The following LYG1 variants were observed in gnomAD, a reference collection of about 807,000 sequenced individuals.
LYG1 encodes the protein lysozyme g-like protein 1.
Under a neutral mutation model 21.7 loss-of-function variants are expected in LYG1, and 17 were observed. The observed-to-expected ratio is 0.78, with a 90% confidence interval of 0.54 to 1.18. The LOEUF (loss-of-function observed/expected upper bound fraction) is 1.18. Ranked by LOEUF, LYG1 falls within the 50% of genes most tolerant of loss-of-function variation. LYG1 has a pLI of 0.00. For synonymous variants in LYG1, 81 were observed against 87.4 expected (o/e 0.93, Z 0.41); for missense variants, 211 against 238.1 (o/e 0.89, Z 0.75).
chr2:99,287,544 C>CT lies in LYG1; in HGVS notation c.334-2725dup, dbSNP rs904030249. Among the ~76,000 whole-genome samples, 132 of 151,328 alleles carry CT rather than the reference C, an allele frequency of 8.7e-4. 1 individual carries two copies. Among genetic ancestry groups the CT allele is most frequent in the African/African-American group, 2.5e-3 (103 of 41,220 alleles). ...ACTTAAAGGTTGGAAAAAAGGCTTT[C>CT]TTTTTTTTTAATATTAGGTTTGTGA... On this transcript the variant is annotated intron_variant, in intron 5 of 6. Transcript: ENST00000308528.
At chr2:99,299,909 T>G (rs2094149221) in intron 1 of LYG1, among the ~76,000 whole-genome samples, 1 of 151,652 alleles carries the variant, frequency 6.6e-6, no homozygotes. Context: ...CCTCCCTACA[T>G]ATATACACAC....
At chr2:99,288,300 T>C (rs535368331) in intron 5 of LYG1, among the ~76,000 whole-genome samples, 2 of 152,276 alleles carry the variant, frequency 1.3e-5, no homozygotes, top group East Asian at 1.9e-4. Context: ...ATTTTGATTA[T>C]TGTATTCCTG....
At chr2:99,296,995 G>C (rs1443748567) in intron 2 of LYG1, among the ~76,000 whole-genome samples, 1 of 152,142 alleles carries the variant, frequency 6.6e-6, no homozygotes, top group African/African-American at 2.4e-5. Context: ...TCCATCCTGG[G>C]AAACAGAGCA....
In LYG1 at chr2:99,284,685, TA is replaced by T; in HGVS notation, c.466+2del. ...GACAACTGACTGATAGCGTTACACGTACCTCTCAGGTACTGGTCAGGGGTCC... is the reference window on the plus strand; with the variant it reads ...GACAACTGACTGATAGCGTTACACGTCCTCTCAGGTACTGGTCAGGGGTCC... On this transcript the variant is annotated splice_donor_variant, in intron 6 of 6. Transcript: ENST00000308528. LOFTEE classifies it high-confidence loss of function. 1 of 1,613,850 alleles carries T rather than the reference TA, an allele frequency of 6.2e-7. No individual in the cohort carries two copies. Among genetic ancestry groups the T allele is most frequent in the East Asian group, 2.2e-5 (1 of 44,852 alleles).
At chr2:99,286,568 G>T (rs1241378961) in intron 5 of LYG1, among the ~76,000 whole-genome samples, 4 of 152,106 alleles carry the variant, frequency 2.6e-5, no homozygotes, top group Non-Finnish European at 5.9e-5. Context: ...GCCAGGTGTG[G>T]TGGTGGGCGC....
upstream of LYG1, among the ~76,000 whole-genome samples, chr2:99,304,159 T>G (rs2094161180): frequency 6.6e-6 from 1 of 151,552 alleles, no homozygotes; most frequent in East Asian, 2.0e-4. Context: ...CCCACCAAAA[T>G]CTCATCTCAA....
intron 2 of LYG1, 58 bp from the exon 3 acceptor site, chr2:99,295,760 A>C: frequency 6.7e-7 from 1 of 1,488,620 alleles, no homozygotes; most frequent in Non-Finnish European, 9.4e-7. Context: ...TCATAACCAC[A>C]TGTAATATTT....
chr2:99,290,813 T>C (rs2094115851), intron 5 of LYG1, among the ~76,000 whole-genome samples: 1 of 152,238 alleles, frequency 6.6e-6, no homozygotes, highest in African/African-American at 2.4e-5. Context: ...CCAACAGATA[T>C]CAGGTACTTT....
At position 99,292,449 on chromosome 2, in the gene LYG1, G is replaced by A. The variant is rs1023051001; in HGVS notation, c.148+87C>T. On this transcript the variant is annotated intron_variant, in intron 4 of 6. Transcript: ENST00000308528. ...AGCAGAGCTTTGGGACCCCATACCC[G>A]GAACTCTTTCCAACACTCAGTAGCG... The A allele has an allele frequency of 6.9e-5, 68 of 991,812 alleles. 1 individual carries two copies. Among genetic ancestry groups the A allele is most frequent in the East Asian group, 2.4e-4 (10 of 41,916 alleles). The allele number at this position is 991,812 out of a possible 1,614,324, so 61.4% of individuals were successfully genotyped here. A position where few individuals can be genotyped will look rare whatever the true frequency, so the allele number is the denominator to read the frequency against.
chr2:99,294,556 T>C (rs2094130695), intron 3 of LYG1, among the ~76,000 whole-genome samples: 1 of 152,188 alleles, frequency 6.6e-6, no homozygotes, highest in Non-Finnish European at 1.5e-5. Flanking sequence ...TTATGACTGG[T>C]GACAAATACC....
At chr2:99,299,971 C>T (rs1382403781) in intron 1 of LYG1, among the ~76,000 whole-genome samples, 1 of 151,928 alleles carries the variant, frequency 6.6e-6, no homozygotes, top group African/African-American at 2.4e-5. Flanking sequence ...CAGCAACACT[C>T]CAGCCCATTG....
Position 99,296,228 on chromosome 2 carries a change from C to A in LYG1, c.-32-526G>T, listed in dbSNP as rs556883859. Reference sequence around the variant, plus strand: ...ACGTTTCCCACTGCTCTAACCCCAGCCTGGAATCACAGACCCCCTTTATCA... The same window carrying A: ...ACGTTTCCCACTGCTCTAACCCCAGACTGGAATCACAGACCCCCTTTATCA... On this transcript the variant is annotated intron_variant, in intron 2 of 6. Transcript: ENST00000308528. Among the ~76,000 whole-genome samples, 3 of 152,248 alleles carry A rather than the reference C, an allele frequency of 2.0e-5. No individual in the cohort carries two copies. The East Asian group carries it at 5.8e-4, about 29-fold the overall frequency.
At chr2:99,294,290 T>C (rs1271739230) in intron 3 of LYG1, among the ~76,000 whole-genome samples, 1 of 152,206 alleles carries the variant, frequency 6.6e-6, no homozygotes, top group Non-Finnish European at 1.5e-5. Context: ...TTGCAGATCT[T>C]TGGAGATATA....
intron 5 of LYG1, among the ~76,000 whole-genome samples, chr2:99,288,817 G>A (rs973905679): frequency 2.0e-5 from 3 of 151,998 alleles, no homozygotes; most frequent in South Asian, 2.1e-4. Flanking sequence ...TGATCCATCC[G>A]CCTCAGCCTC....
At chr2:99,296,866 T>C (rs2094138152) in intron 2 of LYG1, among the ~76,000 whole-genome samples, 1 of 152,068 alleles carries the variant, frequency 6.6e-6, no homozygotes, top group South Asian at 2.1e-4. Context: ...AAGGAAGTCA[T>C]TTGAAGCCAG....
intron 1 of LYG1, among the ~76,000 whole-genome samples, chr2:99,299,813 A>G (rs1241045624): frequency 6.7e-6 from 1 of 150,080 alleles, no homozygotes. Flanking sequence ...TTCCATTTTT[A>G]AAATGTTTAA....
At chr2:99,301,512 G>GGGAA (rs1475210095), upstream of LYG1, among the ~76,000 whole-genome samples, 4 of 120,762 alleles carry the variant, frequency 3.3e-5, no homozygotes, top group African/African-American at 9.2e-5. Context: ...AAGGAAGGAA[G>GGGAA]GGAGGGAGGG....
At chr2:99,290,740 C>T (rs549560104) in intron 5 of LYG1, among the ~76,000 whole-genome samples, 1 of 152,304 alleles carries the variant, frequency 6.6e-6, no homozygotes, top group East Asian at 1.9e-4. Context: ...AAAACTCAAT[C>T]TTCAGAACTA....
intron 3 of LYG1, among the ~76,000 whole-genome samples, chr2:99,293,924 A>G (rs2094128440): frequency 6.6e-6 from 1 of 151,984 alleles, no homozygotes; most frequent in Non-Finnish European, 1.5e-5. Context: ...TTAATTAATT[A>G]ATTAATTAAT....
Sources: gnomAD v4.1 joint callset for allele counts (sites outside exome capture counted in the v4.1 genomes callset) on GRCh38, gnomAD v4.1.1 for gene constraint, MANE v1.5 for transcripts, NCBI Gene and HGNC (gene_info 2026-07-23, HGNC 2026-07-21) for gene names.